Variants in PKP4 observed in about 807,000 individuals in gnomAD.
PKP4 encodes plakophilin 4.
A neutral mutation model predicts 145.1 loss-of-function variants in PKP4; 90 were observed. That is an observed-to-expected ratio of 0.62 (90% CI 0.52 to 0.74). The LOEUF (loss-of-function observed/expected upper bound fraction) is 0.74, where lower values mean the gene tolerates loss of function less well. Ranked by LOEUF, PKP4 falls within the 30% of genes least tolerant of loss-of-function variation. PKP4 has a pLI of 0.00. For missense variants in PKP4, 1,340 were observed against 1,482.7 expected (o/e 0.90, Z 1.58); for synonymous variants, 563 against 577.2 (o/e 0.98, Z 0.35).
intron 1 of PKP4, among the ~76,000 whole-genome samples, chr2:158,522,891 TCACTCC>T (rs2042535425): frequency 6.6e-6 from 1 of 152,034 alleles, no homozygotes; most frequent in Non-Finnish European, 1.5e-5. Context: ...GAAAATCGGG[TCACTCC>T]CACCCGAATA....
At chr2:158,643,724 A>AAAAAAAAAG (rs2054546760) in intron 11 of PKP4, among the ~76,000 whole-genome samples, 1 of 44,628 alleles carries the variant, frequency 2.2e-5, no homozygotes, top group Non-Finnish European at 6.1e-5. Flanking sequence ...AAAAAAAAAA[A>AAAAAAAAAG]AAAAGAAAAG....
At chr2:158,677,061 TTGTTTGTA>T in intron 20 of PKP4, 194 bp downstream of exon 20, 1 of 671,348 alleles carries the variant, frequency 1.5e-6, no homozygotes, top group South Asian at 1.6e-5. Flanking sequence ...AAGCATGTAC[TTGTTTGTA>T]TGTATGTATG....
At chr2:158,679,411 CT>C (rs1185474685) in intron 21 of PKP4, 1 of 152,206 alleles carries the variant, frequency 6.6e-6, no homozygotes, top group East Asian at 1.9e-4. Flanking sequence ...AGAAAAAGAA[CT>C]TTCCAAGTTA....
chr2:158,637,676 G>C (rs780541853), intron 9 of PKP4, among the ~76,000 whole-genome samples: 6 of 152,194 alleles, frequency 3.9e-5, no homozygotes, highest in Non-Finnish European at 8.8e-5. Flanking sequence ...TTATATTCTT[G>C]TGTTGCCTGT....
intron 2 of PKP4, among the ~76,000 whole-genome samples, chr2:158,558,919 A>G (rs968973662): frequency 6.6e-6 from 1 of 152,118 alleles, no homozygotes. Flanking sequence ...TCCCTTTGGA[A>G]ACCACGGTGC....
intron 11 of PKP4, among the ~76,000 whole-genome samples, chr2:158,647,611 A>G (rs2054952783): frequency 1.3e-5 from 2 of 152,234 alleles, no homozygotes; most frequent in South Asian, 2.1e-4. Context: ...TCCCAAGACA[A>G]TATGGCTGTC....
Position 158,526,921 on chromosome 2 carries a change from C to G in PKP4, c.-5-6259C>G, listed in dbSNP as rs12386145. ...GAGAATAAAATACCTAGGAATCCAA[C>G]TTACAAGGGATGTGAAGGACCTCTT... On this transcript the variant is annotated intron_variant, in intron 1 of 21. Coordinates refer to ENST00000389759, the MANE Select transcript of PKP4 (RefSeq NM_003628.6). Among the ~76,000 whole-genome samples the G allele has an allele frequency of 2.8e-5, 2 of 71,628 alleles. 1 individual carries two copies. Among genetic ancestry groups the G allele is most frequent in the Non-Finnish European group, 5.4e-5 (2 of 36,814 alleles). 47.0% of individuals were successfully genotyped at this position (71,628 alleles called of 152,430 possible). A position where few individuals can be genotyped will look rare whatever the true frequency, so the allele number is the denominator to read the frequency against.
chr2:158,623,179 C>T (rs1199221157), intron 6 of PKP4, among the ~76,000 whole-genome samples: 3 of 151,636 alleles, frequency 2.0e-5, no homozygotes, highest in Admixed American at 1.3e-4. Flanking sequence ...TGTTGTTGTT[C>T]TTAATTAATA....
At chr2:158,463,798 T>G (rs945408016) in intron 1 of PKP4, among the ~76,000 whole-genome samples, 1 of 152,210 alleles carries the variant, frequency 6.6e-6, no homozygotes, top group African/African-American at 2.4e-5. Context: ...AAAATTGAAG[T>G]TGTATACTTG....
chr2:158,537,535 C>G (rs79143361), intron 2 of PKP4, among the ~76,000 whole-genome samples: 9,638 of 152,244 alleles, frequency 0.063, 415 homozygotes, highest in South Asian at 0.11. Context: ...CAGGAAGTAT[C>G]AGAACTTCAG....
chr2:158,661,664 G>A (rs1253449722), intron 13 of PKP4: 3 of 424,592 alleles, frequency 7.1e-6, no homozygotes, highest in Non-Finnish European at 8.8e-6. Context: ...GAGTGGCTTG[G>A]TGTGGTAAAG....
At chr2:158,582,242 A>G (rs1158680282) in intron 3 of PKP4, among the ~76,000 whole-genome samples, 3 of 152,230 alleles carry the variant, frequency 2.0e-5, no homozygotes, top group Admixed American at 6.5e-5. Flanking sequence ...CTGCATTTAT[A>G]TTGAGTAGCA....
intron 12 of PKP4, 171 bp from the exon 13 acceptor site, chr2:158,661,162 C>T (rs184538351): frequency 1.5e-5 from 8 of 531,444 alleles, no homozygotes; most frequent in African/African-American, 5.7e-5. Context: ...TAATGGGGAG[C>T]GGGCCATCAT....
chr2:158,662,037 C>T (rs997478213), intron 13 of PKP4, among the ~76,000 whole-genome samples: 3 of 152,002 alleles, frequency 2.0e-5, no homozygotes, highest in Non-Finnish European at 2.9e-5. Flanking sequence ...TCCTGGGGGC[C>T]GAGGAAAGTG....
intron 16 of PKP4, chr2:158,669,350 T>C (rs1039774185): frequency 6.4e-6 from 1 of 156,684 alleles, no homozygotes; most frequent in African/African-American, 2.4e-5. Context: ...TTGTGATGCA[T>C]AGGAATTCCA....
In PKP4 at chr2:158,514,522, A is replaced by C. The variant is rs376043512; in HGVS notation, c.-5-18658A>C. ...ACTGAGAGATAACCATCATTCCTCT[A>C]TCCTGCTGAAGACCAGACAGAAAGA... On this transcript the variant is annotated intron_variant, in intron 1 of 21. Coordinates refer to ENST00000389759, the MANE Select transcript of PKP4 (RefSeq NM_003628.6). Among the ~76,000 whole-genome samples the C allele has an allele frequency of 4.6e-5, 7 of 152,330 alleles. 1 individual carries two copies. The highest frequency in any genetic ancestry group is 4.6e-4 in the Admixed American group (7 of 15,310).
intron 1 of PKP4, among the ~76,000 whole-genome samples, chr2:158,482,189 A>G (rs1034314193): frequency 2.0e-5 from 3 of 152,252 alleles, no homozygotes; most frequent in African/African-American, 7.2e-5. Context: ...AGTGCCTACT[A>G]TGCAGGACAC....
chr2:158,526,660 A>G (rs977039849), intron 1 of PKP4, among the ~76,000 whole-genome samples: 101 of 93,138 alleles, frequency 1.1e-3, no homozygotes, highest in Non-Finnish European at 5.0e-4. Context: ...GAAGGAAATA[A>G]AGGGTATTCA....
At chr2:158,494,304 A>G (rs1695370337) in intron 1 of PKP4, among the ~76,000 whole-genome samples, 2 of 152,112 alleles carry the variant, frequency 1.3e-5, no homozygotes, top group African/African-American at 2.4e-5. Flanking sequence ...AAACAGCCCT[A>G]AAAAATGTGA....
Sources: allele counts gnomAD v4.1 joint callset (sites outside exome capture counted in the v4.1 genomes callset), GRCh38; gene constraint gnomAD v4.1.1; transcripts MANE v1.5; gene names NCBI Gene and HGNC (gene_info 2026-07-23, HGNC 2026-07-21).